LOC114841035: variants seen among roughly 807,000 people sequenced by gnomAD.
the LOC114841035 span, chr11:64,243,220 G>C: frequency 1.2e-6 from 2 of 1,613,666 alleles, no homozygotes; most frequent in African/African-American, 2.7e-5. Flanking sequence ...AGATGGGACA[G>C]AGTTTGACAG....
chr11:64,243,816 C>CT, the LOC114841035 span: 3 of 1,613,810 alleles, frequency 1.9e-6, no homozygotes, highest in East Asian at 2.2e-5. Flanking sequence ...CCATCACTGA[C>CT]TGTTTCTTTG....
the LOC114841035 span, among the ~76,000 whole-genome samples, chr11:64,242,924 T>G: frequency 6.6e-6 from 1 of 152,108 alleles, no homozygotes; most frequent in Non-Finnish European, 1.5e-5. Context: ...AATACAAAAT[T>G]AGCCAGGCGT....
chr11:64,242,085 AGGT>A, the LOC114841035 span: 1 of 306,246 alleles, frequency 3.3e-6, no homozygotes, highest in African/African-American at 2.3e-5. Context: ...TGAAGAGCGG[AGGT>A]GGGGACTGGG....
the LOC114841035 span, chr11:64,242,486 C>A: frequency 2.6e-6 from 4 of 1,552,736 alleles, no homozygotes; most frequent in Non-Finnish European, 3.5e-6. Flanking sequence ...AGCTGCAGAT[C>A]GGGGTCAAGA....
At chr11:64,242,608 C>T in the LOC114841035 span, 1 of 1,512,410 alleles carries the variant, frequency 6.6e-7, no homozygotes, top group Non-Finnish European at 8.8e-7. Context: ...TTCCGAGGAC[C>T]AGAGAGTGCT....
chr11:64,242,644 G>A, the LOC114841035 span: 2 of 1,417,174 alleles, frequency 1.4e-6, no homozygotes, highest in Non-Finnish European at 1.9e-6. Flanking sequence ...CCATAAGCCA[G>A]GTAGGTGACC....
At chr11:64,243,221 A>T in the LOC114841035 span, 1 of 1,613,678 alleles carries the variant, frequency 6.2e-7, no homozygotes, top group Non-Finnish European at 8.5e-7. Context: ...GATGGGACAG[A>T]GTTTGACAGC....
chr11:64,241,157 TG>T, the LOC114841035 span: 2 of 151,310 alleles, frequency 1.3e-5, no homozygotes, highest in African/African-American at 2.4e-5. Context: ...CAGCCCGGGC[TG>T]GGGGGAGCCG....
At chr11:64,242,209 G>T in the LOC114841035 span, 1 of 565,170 alleles carries the variant, frequency 1.8e-6, no homozygotes, top group Non-Finnish European at 2.9e-6. Flanking sequence ...CTTCTCACTG[G>T]ACTGGTAAGT....
the LOC114841035 span, chr11:64,243,852 C>T: frequency 1.1e-5 from 17 of 1,613,994 alleles, no homozygotes; most frequent in South Asian, 5.5e-5. Flanking sequence ...GTATGGAGAG[C>T]GGGGAGCTCC....
the LOC114841035 span, chr11:64,242,647 A>G: frequency 2.8e-6 from 4 of 1,405,022 alleles, no homozygotes; most frequent in Non-Finnish European, 2.8e-6. Flanking sequence ...TAAGCCAGGT[A>G]GGTGACCTTG....
At chr11:64,241,104 G>C in the LOC114841035 span, 1 of 152,798 alleles carries the variant, frequency 6.5e-6, no homozygotes, top group Admixed American at 6.5e-5. Flanking sequence ...CAGCACCACC[G>C]GGGTTGACTC....
chr11:64,243,915 G>C, the LOC114841035 span: 1 of 1,613,998 alleles, frequency 6.2e-7, no homozygotes, highest in Non-Finnish European at 8.5e-7. Context: ...CCTGCAGCCA[G>C]CCCACCTCCC....
At chr11:64,242,979 G>A in the LOC114841035 span, among the ~76,000 whole-genome samples, 1 of 152,236 alleles carries the variant, frequency 6.6e-6, no homozygotes, top group Non-Finnish European at 1.5e-5. Flanking sequence ...GGCTGAGGTG[G>A]AAGAATTGCT....
At chr11:64,244,100 C>G in the LOC114841035 span, 1 of 1,532,558 alleles carries the variant, frequency 6.5e-7, no homozygotes. Context: ...AAACAAAAAA[C>G]AAAAACAAAC....
the LOC114841035 span, chr11:64,242,426 C>T: frequency 6.4e-7 from 1 of 1,555,406 alleles, no homozygotes. Flanking sequence ...CAGTACTGTC[C>T]ATCTGCCTGA....
the LOC114841035 span, chr11:64,242,411 C>T: frequency 1.3e-6 from 2 of 1,546,980 alleles, no homozygotes; most frequent in Non-Finnish European, 1.7e-6. Context: ...GGTTCCGGGT[C>T]CTGACAGTAC....
chr11:64,243,145 G>C, the LOC114841035 span: 1 of 1,502,994 alleles, frequency 6.7e-7, no homozygotes, highest in Non-Finnish European at 9.3e-7. Context: ...AGCTGAGGGA[G>C]GGGGTGTCAG....
the LOC114841035 span, chr11:64,242,064 C>T: frequency 7.6e-6 from 2 of 264,848 alleles, no homozygotes; most frequent in African/African-American, 2.2e-5. Flanking sequence ...CGTAAAGGGA[C>T]AGGCGGGAAC....
Sources: gnomAD v4.1 joint callset for allele counts (sites outside exome capture counted in the v4.1 genomes callset) on GRCh38, gnomAD v4.1.1 for gene constraint, MANE v1.5 for transcripts.